The following SMURF1 variants were observed in gnomAD, a reference collection of about 807,000 sequenced individuals.
SMURF1 encodes the protein SMAD specific E3 ubiquitin protein ligase 1, also known as E3 ubiquitin-protein ligase SMURF1.
In SMURF1, 44 loss-of-function variants were observed where a neutral mutation model predicts 98.0. The ratio of observed to expected loss-of-function variants is 0.45; its 90% CI spans 0.35 to 0.58. The LOEUF is 0.58. Ranked by LOEUF, SMURF1 falls within the 20% of genes least tolerant of loss-of-function variation. The probability of loss-of-function intolerance (pLI) is 0.00; values close to 1 mark genes in which losing one functional copy is unlikely to be tolerated. For synonymous variants in SMURF1, 396 were observed against 374.9 expected (o/e 1.06, Z -0.65); for missense variants, 687 against 938.4 (o/e 0.73, Z 3.50).
intron 3 of SMURF1, 77 bp from the exon 4 acceptor site, chr7:99,057,628 A>G: frequency 7.1e-7 from 1 of 1,416,052 alleles, no homozygotes; most frequent in Non-Finnish European, 9.2e-7. Flanking sequence ...TTTGAGATAG[A>G]ATCCTGCTCT....
At chr7:99,119,671 G>A (rs943284538) in intron 1 of SMURF1, among the ~76,000 whole-genome samples, 1 of 152,174 alleles carries the variant, frequency 6.6e-6, no homozygotes, top group Non-Finnish European at 1.5e-5. Context: ...GCTCTCCAGG[G>A]ACAGGAAAAC....
At chr7:99,047,017 C>A (rs892200561) in intron 10 of SMURF1, among the ~76,000 whole-genome samples, 1 of 152,196 alleles carries the variant, frequency 6.6e-6, no homozygotes, top group Non-Finnish European at 1.5e-5. Context: ...TCATTTCTGA[C>A]AGTGTCTCCA....
intron 5 of SMURF1, 132 bp from the exon 6 acceptor site, chr7:99,054,997 A>C (rs1795846377): frequency 1.4e-6 from 1 of 718,728 alleles, no homozygotes; most frequent in African/African-American, 1.7e-5. Context: ...GCATACACAC[A>C]TATATTCCTA....
At chr7:99,063,265 AT>A (rs1563012744) in intron 1 of SMURF1, among the ~76,000 whole-genome samples, 18 of 8,140 alleles carry the variant, frequency 2.2e-3, no homozygotes, top group East Asian at 7.3e-3. Context: ...ATATATATAT[AT>A]ATATATATAT....
At chr7:99,075,064 G>A (rs539113184) in intron 1 of SMURF1, among the ~76,000 whole-genome samples, 1 of 152,250 alleles carries the variant, frequency 6.6e-6, no homozygotes, top group South Asian at 2.1e-4. Flanking sequence ...TGCTAGCAAG[G>A]AGGTGGAAGT....
chr7:99,047,569 C>A, intron 10 of SMURF1, 115 bp downstream of exon 10: 1 of 1,071,568 alleles, frequency 9.3e-7, no homozygotes, highest in Non-Finnish European at 1.4e-6. Flanking sequence ...AGACATCACC[C>A]ACAAAGCAGT....
intron 3 of SMURF1, among the ~76,000 whole-genome samples, chr7:99,057,759 G>A (rs1212920551): frequency 6.6e-6 from 1 of 152,014 alleles, no homozygotes; most frequent in African/African-American, 2.4e-5. Flanking sequence ...CACCATGCCT[G>A]GCTAATTTTT....
In SMURF1 at chr7:99,043,202, A is replaced by C. The variant is rs139130207; in HGVS notation, c.1257-970T>G. Among the ~76,000 whole-genome samples the C allele has an allele frequency of 1.5e-3, 230 of 152,308 alleles. 1 individual carries two copies. The highest frequency in any genetic ancestry group is 5.3e-3 in the African/African-American group (222 of 41,556). ...AAAGATACAATCAGTTCTGTTCTGG[A>C]AGTGGTAAGGGAAGCAATAACTAAA... is the stretch of plus-strand genomic sequence containing the variant. On this transcript the variant is annotated intron_variant, in intron 11 of 17. Coordinates refer to ENST00000361368, the MANE Select transcript of SMURF1 (RefSeq NM_181349.3).
At chr7:99,080,835 A>G (rs916744638) in intron 1 of SMURF1, among the ~76,000 whole-genome samples, 7 of 152,202 alleles carry the variant, frequency 4.6e-5, no homozygotes, top group Non-Finnish European at 8.8e-5. Context: ...CCAGGAAAAC[A>G]GAAGTCTGCA....
chr7:99,135,330 TTCTCTCCTCTCTCCC>T (rs766592325), intron 1 of SMURF1, among the ~76,000 whole-genome samples: 116 of 152,292 alleles, frequency 7.6e-4, no homozygotes, highest in South Asian at 1.5e-3. Context: ...CTTCTCTCTT[TTCTCTCCTCTCTCCC>T]TCTCTCCTCT....
chr7:99,083,192 TA>T (rs1796607372), intron 1 of SMURF1, among the ~76,000 whole-genome samples: 1 of 152,130 alleles, frequency 6.6e-6, no homozygotes, highest in South Asian at 2.1e-4. Context: ...ATGGTACATT[TA>T]AAATGGTGAC....
chr7:99,090,142 A>G (rs767501456), intron 1 of SMURF1, among the ~76,000 whole-genome samples: 12 of 152,228 alleles, frequency 7.9e-5, no homozygotes, highest in Non-Finnish European at 1.6e-4. Flanking sequence ...TCCCACGCGC[A>G]CTACTGTTCA....
intron 2 of SMURF1, 87 bp downstream of exon 2, chr7:99,061,712 G>C (rs1796037773): frequency 9.4e-7 from 1 of 1,067,918 alleles, no homozygotes; most frequent in Admixed American, 2.3e-5. Flanking sequence ...ACTTTGAAGA[G>C]AATATACCCA....
intron 16 of SMURF1, among the ~76,000 whole-genome samples, chr7:99,033,959 TCA>T (rs1381387063): frequency 2.0e-5 from 3 of 152,226 alleles, no homozygotes; most frequent in Non-Finnish European, 4.4e-5. Flanking sequence ...TCCTGTGTAT[TCA>T]CAGATACTCC....
intron 1 of SMURF1, among the ~76,000 whole-genome samples, chr7:99,070,976 CAGA>C (rs1244534892): frequency 4.6e-5 from 7 of 151,332 alleles, no homozygotes; most frequent in South Asian, 4.2e-4. Context: ...AGGTTCAAAG[CAGA>C]AGTATTATTA....
intron 1 of SMURF1, among the ~76,000 whole-genome samples, chr7:99,114,504 T>C (rs1797396793): frequency 6.6e-6 from 1 of 151,876 alleles, no homozygotes; most frequent in African/African-American, 2.4e-5. Flanking sequence ...GAGCCCCAAA[T>C]ATATGAGGAA....
chr7:99,050,734 A>T, intron 8 of SMURF1: 1 of 559,390 alleles, frequency 1.8e-6, no homozygotes, highest in Non-Finnish European at 3.2e-6. Flanking sequence ...TCATACATTA[A>T]ACATAGTCTT....
At chr7:99,060,833 GCTTT>G (rs1796018170) in intron 2 of SMURF1, 126 bp from the exon 3 acceptor site, 1 of 574,724 alleles carries the variant, frequency 1.7e-6, no homozygotes, top group African/African-American at 1.9e-5. Flanking sequence ...TGTCTATTGA[GCTTT>G]CTAAGAGAGC....
rs114285034 is a variant in SMURF1, at chr7:99,033,632, C to T, written c.2012-511G>A. ...CCAAGATGCCAACATTTTAGAATATCGCAGGGGGCAGAGCAAGGACTGCTA... is the reference window on the plus strand; with the variant it reads ...CCAAGATGCCAACATTTTAGAATATTGCAGGGGGCAGAGCAAGGACTGCTA... On this transcript the variant is annotated intron_variant, in intron 16 of 17. Coordinates refer to ENST00000361368, the MANE Select transcript of SMURF1 (RefSeq NM_181349.3). Among the ~76,000 whole-genome samples, 1,290 of 152,290 alleles carry T rather than the reference C, an allele frequency of 8.5e-3. 24 individuals are homozygous for T. Among genetic ancestry groups the T allele is most frequent in the African/African-American group, 0.028 (1,176 of 41,570 alleles).
Sources: allele counts gnomAD v4.1 joint callset (sites outside exome capture counted in the v4.1 genomes callset), GRCh38; gene constraint gnomAD v4.1.1; transcripts MANE v1.5; gene names NCBI Gene and HGNC (gene_info 2026-07-23, HGNC 2026-07-21).